The following SCEL variants were observed in gnomAD, a reference collection of about 807,000 sequenced individuals.
SCEL encodes sciellin.
In SCEL, 113 loss-of-function variants were observed where a neutral mutation model predicts 117.6. The ratio of observed to expected loss-of-function variants is 0.96; its 90% confidence interval spans 0.83 to 1.12. The LOEUF (loss-of-function observed/expected upper bound fraction) is 1.12. Ranked by LOEUF, SCEL falls within the 50% of genes most tolerant of loss-of-function variation. The probability of loss-of-function intolerance (pLI) is 0.00; values close to 1 mark genes in which losing one functional copy is unlikely to be tolerated. For missense variants in SCEL, 785 were observed against 810.8 expected (o/e 0.97, Z 0.39); for synonymous variants, 270 against 256.2 (o/e 1.05, Z -0.51).
intron 28 of SCEL, among the ~76,000 whole-genome samples, chr13:77,628,362 T>C (rs987089731): frequency 2.6e-5 from 4 of 152,052 alleles, no homozygotes; most frequent in Non-Finnish European, 5.9e-5. Flanking sequence ...TTTTACTTAC[T>C]GTTGCTTGGT....
chr13:77,621,925 A>C (rs1323617), intron 27 of SCEL, among the ~76,000 whole-genome samples: 16,492 of 152,176 alleles, frequency 0.11, 1,430 homozygotes, highest in East Asian at 0.45. Flanking sequence ...TAAAATACCC[A>C]AATTGCCTAA....
Position 77,612,895 on chromosome 13 carries a change from C to T in SCEL, c.1342C>T (p.Gln448Ter). The T allele has an allele frequency of 6.5e-7, 1 of 1,546,216 alleles. No homozygotes were observed. Among genetic ancestry groups the T allele is most frequent in the African/African-American group, 1.4e-5 (1 of 71,690 alleles). Reference sequence around the variant, plus strand: ...TGAAACTTAACATTTTTTTAGGAACCAAGACTTGGAAAATCTTATCAAAGT... The same window carrying T: ...TGAAACTTAACATTTTTTTAGGAACTAAGACTTGGAAAATCTTATCAAAGT... ...PERNRTNQGN[Q>*]DLENLIKVIP... is the part of the protein sequence containing the mutation. Residue 448 changes from glutamine to a stop codon, truncating the protein, a stop_gained, in exon 23 of 33, where the codon CAA becomes TAA. Coordinates refer to ENST00000349847, the MANE Select transcript of SCEL (RefSeq NM_144777.3). LOFTEE classifies it high-confidence loss of function.
chr13:77,578,350 C>A (rs1170104863), intron 9 of SCEL, among the ~76,000 whole-genome samples: 4 of 151,626 alleles, frequency 2.6e-5, no homozygotes, highest in African/African-American at 9.7e-5. Context: ...GGGGAAGGAA[C>A]TCCTGGGGGA....
chr13:77,559,939 G>A, intron 4 of SCEL, 76 bp downstream of exon 4: 1 of 1,255,836 alleles, frequency 8.0e-7, no homozygotes, highest in Middle Eastern at 1.9e-4. Flanking sequence ...GTTCAAGACA[G>A]CTGAATATTT....
chr13:77,628,170 G>GTGTA (rs10700333), intron 28 of SCEL, among the ~76,000 whole-genome samples, 161 bp downstream of exon 28: 19,440 of 139,506 alleles, frequency 0.14, 1,510 homozygotes, highest in East Asian at 0.39. Context: ...ATATGTGTGT[G>GTGTA]TATATATATA....
chr13:77,585,132 C>G (rs1054681437), intron 9 of SCEL, among the ~76,000 whole-genome samples: 6 of 152,246 alleles, frequency 3.9e-5, no homozygotes, highest in Non-Finnish European at 8.8e-5. Context: ...ATCACTTCCT[C>G]CTTCATTCTT....
chr13:77,624,311 G>A (rs2089606462), intron 27 of SCEL, among the ~76,000 whole-genome samples: 1 of 151,848 alleles, frequency 6.6e-6, no homozygotes, highest in East Asian at 1.9e-4. Context: ...TCACCATGTT[G>A]GTCAGGCTGG....
chr13:77,535,828 A>C lies in SCEL; in HGVS notation c.-20+4A>C, dbSNP rs1430817960. 1 of 152,232 alleles carries C rather than the reference A, an allele frequency of 6.6e-6. No individual in the cohort carries two copies. The highest frequency in any genetic ancestry group is 1.5e-5 in the Non-Finnish European group (1 of 68,034). 9.4% of individuals were successfully genotyped at this position (152,232 alleles called of 1,614,324 possible). A position where few individuals can be genotyped will look rare whatever the true frequency, so the allele number is the denominator to read the frequency against. On this transcript the variant is annotated splice_donor_region_variant and intron_variant, in intron 1 of 32. Transcript: ENST00000349847. ...CCTGATTTTCTGCTCAATAGAGGTA[A>C]GTTGAATTATACTTGCAAACAGAAA...
At chr13:77,601,114 C>CT (rs11378449) in intron 15 of SCEL, among the ~76,000 whole-genome samples, 29,650 of 140,898 alleles carry the variant, frequency 0.21, 3,713 homozygotes, top group African/African-American at 0.35. Context: ...AAAACAGTCT[C>CT]TTTTTTTTTT....
chr13:77,540,375 G>T (rs534846609), intron 1 of SCEL, among the ~76,000 whole-genome samples: 1 of 152,180 alleles, frequency 6.6e-6, no homozygotes, highest in African/African-American at 2.4e-5. Context: ...TTGTGGGTTG[G>T]GGGTGGGGGA....
chr13:77,600,449 G>A (rs1178545691), intron 15 of SCEL, among the ~76,000 whole-genome samples: 1 of 152,048 alleles, frequency 6.6e-6, no homozygotes, highest in Non-Finnish European at 1.5e-5. Context: ...TCTTTAGAGT[G>A]TATAAAGGCA....
intron 20 of SCEL, among the ~76,000 whole-genome samples, chr13:77,608,601 A>AAAT (rs34862803): frequency 0.027 from 4,160 of 152,290 alleles, 97 homozygotes; most frequent in Non-Finnish European, 0.042. Context: ...CACCATGCCA[A>AAAT]AATAATAATA....
chr13:77,574,443 C>T (rs1198164045), intron 9 of SCEL, among the ~76,000 whole-genome samples: 1 of 152,186 alleles, frequency 6.6e-6, no homozygotes, highest in African/African-American at 2.4e-5. Context: ...TTTAGAGTCA[C>T]AGATTATTAA....
chr13:77,614,876 A>G (rs1296736002), intron 24 of SCEL, among the ~76,000 whole-genome samples: 2 of 152,162 alleles, frequency 1.3e-5, no homozygotes, highest in Admixed American at 1.3e-4. Flanking sequence ...ACTAGGTATC[A>G]TTACTTGTAC....
chr13:77,572,143 C>T lies in SCEL; in HGVS notation c.499C>T (p.Pro167Ser). 1 of 1,612,760 alleles carries T rather than the reference C, an allele frequency of 6.2e-7. No individual in the cohort carries two copies. Among genetic ancestry groups the T allele is most frequent in the Non-Finnish European group, 8.5e-7 (1 of 1,179,150 alleles). Residue 167 changes from proline (P) to serine (S), a missense_variant, in exon 9 of 33, where the codon CCC becomes TCC. By Grantham distance (74) the Pro-to-Ser change is moderately conservative. Transcript: ENST00000349847. ...KKKRQSWFPP[P>S]PPGYNASSST... ...TAACAGGCAGTCCTGGTTTCCACCG[C>T]CCCCTCCAGGTTACAATGCCTCCTC...
chr13:77,627,826 A>G, intron 27 of SCEL, 121 bp from the exon 28 acceptor site: 1 of 303,208 alleles, frequency 3.3e-6, no homozygotes, highest in Non-Finnish European at 6.3e-6. Flanking sequence ...AATCTCCCAT[A>G]GCCTGATAGA....
chr13:77,608,002 A>G, intron 19 of SCEL, 54 bp from the exon 20 acceptor site: 3 of 1,335,520 alleles, frequency 2.2e-6, no homozygotes, highest in Non-Finnish European at 3.2e-6. Flanking sequence ...TCTTGTTGTC[A>G]GTCTACCATT....
At chr13:77,627,561 A>G (rs959540168) in intron 27 of SCEL, among the ~76,000 whole-genome samples, 1 of 152,200 alleles carries the variant, frequency 6.6e-6, no homozygotes, top group African/African-American at 2.4e-5. Flanking sequence ...AGATAGCCCA[A>G]GTACACTAAT....
intron 1 of SCEL, among the ~76,000 whole-genome samples, chr13:77,539,341 C>T (rs1459480891): frequency 1.3e-5 from 2 of 151,158 alleles, no homozygotes; most frequent in African/African-American, 4.8e-5. Context: ...CTCACAATAG[C>T]ACAAAAATAT....
Sources: allele counts gnomAD v4.1 joint callset (sites outside exome capture counted in the v4.1 genomes callset), GRCh38; gene constraint gnomAD v4.1.1; transcripts MANE v1.5; gene names NCBI Gene and HGNC (gene_info 2026-07-23, HGNC 2026-07-21).